Variants in GNPDA2 observed in about 807,000 individuals in gnomAD.
GNPDA2 encodes the protein glcN6P deaminase 2.
Under a neutral mutation model 27.0 loss-of-function variants are expected in GNPDA2, and 24 were observed. The observed-to-expected ratio is 0.89, with a 90% CI of 0.64 to 1.25. The LOEUF (loss-of-function observed/expected upper bound fraction) is 1.25, where lower values mean the gene tolerates loss of function less well. Ranked by LOEUF, GNPDA2 falls within the 50% of genes most tolerant of loss-of-function variation. The pLI, the probability that GNPDA2 is intolerant of heterozygous loss-of-function variation, is 0.00. For synonymous variants in GNPDA2, 94 were observed against 108.4 expected, an observed-to-expected ratio of 0.87 and a Z score of 0.83; for missense variants, 286 against 335.1, an observed-to-expected ratio of 0.85 and a Z score of 1.14.
intron 4 of GNPDA2, 107 bp from the exon 5 acceptor site, chr4:44,711,244 T>C: frequency 1.7e-6 from 1 of 583,910 alleles, no homozygotes; most frequent in Non-Finnish European, 2.7e-6. Flanking sequence ...ATTTTATACT[T>C]GAATTCCTAT....
rs143805744 is a variant in GNPDA2, at chr4:44,711,697, T to C, written c.410-560A>G. Among the ~76,000 whole-genome samples, 335 of 151,914 alleles carry C rather than the reference T, an allele frequency of 2.2e-3. 6 individuals carry two copies. Among genetic ancestry groups the C allele is most frequent in the Admixed American group, 0.021 (314 of 15,232 alleles). ...TAGACCTTTCTGTAGGAGAGTTTCC[T>C]CACTTATAAAAATGTGTGGATTGGA... On this transcript the variant is annotated intron_variant, in intron 4 of 6. Transcript: ENST00000295448.
chr4:44,725,427 C>T (rs1370711728), intron 1 of GNPDA2, among the ~76,000 whole-genome samples: 2 of 152,208 alleles, frequency 1.3e-5, no homozygotes, highest in African/African-American at 4.8e-5. Flanking sequence ...TCTCCCTAGA[C>T]ACAGTGTTTC....
chr4:44,705,534 AAAAG>A (rs1385574946), intron 6 of GNPDA2: 1 of 870,408 alleles, frequency 1.1e-6, no homozygotes, highest in Non-Finnish European at 1.4e-6. Context: ...TAGATGAACT[AAAAG>A]AACTAAATAC....
chr4:44,726,213 G>C (rs1718010791), intron 1 of GNPDA2, among the ~76,000 whole-genome samples: 1 of 152,110 alleles, frequency 6.6e-6, no homozygotes, highest in African/African-American at 2.4e-5. Context: ...TGTAGAGAGA[G>C]GTGTCAAGAA....
At chr4:44,712,890 T>C (rs1381370676) in intron 4 of GNPDA2, among the ~76,000 whole-genome samples, 1 of 152,230 alleles carries the variant, frequency 6.6e-6, no homozygotes, top group Admixed American at 6.5e-5. Flanking sequence ...TAAGTCTAAA[T>C]TAAGATATCA....
intron 4 of GNPDA2, chr4:44,714,390 A>C: frequency 2.0e-6 from 2 of 985,366 alleles, no homozygotes; most frequent in Non-Finnish European, 1.2e-6. Flanking sequence ...CAGAGGAGGA[A>C]TTAGAACATT....
At chr4:44,703,605 G>A in intron 6 of GNPDA2, 2 of 982,488 alleles carry the variant, frequency 2.0e-6, no homozygotes, top group South Asian at 9.4e-5. Flanking sequence ...CCAATAGTTT[G>A]GCATGTGTAT....
intron 6 of GNPDA2, chr4:44,703,610 G>A (rs2109687884): frequency 1.0e-6 from 1 of 980,744 alleles, no homozygotes; most frequent in Non-Finnish European, 1.2e-6. Flanking sequence ...AGTTTGGCAT[G>A]TGTATTTATG....
chr4:44,707,422 G>T (rs1279872996), intron 6 of GNPDA2: 1 of 331,548 alleles, frequency 3.0e-6, no homozygotes, highest in Non-Finnish European at 5.4e-6. Context: ...AACATGAAAA[G>T]AAATCCAGAA....
chr4:44,708,195 T>G (rs1022620608), intron 5 of GNPDA2, among the ~76,000 whole-genome samples: 1 of 152,146 alleles, frequency 6.6e-6, no homozygotes, highest in Non-Finnish European at 1.5e-5. Context: ...TAGTGAATGA[T>G]GATGTATAAA....
At chr4:44,714,891 T>A (rs1717181930) in intron 4 of GNPDA2, among the ~76,000 whole-genome samples, 1 of 152,198 alleles carries the variant, frequency 6.6e-6, no homozygotes, top group Non-Finnish European at 1.5e-5. Flanking sequence ...CATCCATGAC[T>A]ACAGTGAAGA....
chr4:44,708,689 A>G (rs1335499986), intron 5 of GNPDA2, among the ~76,000 whole-genome samples: 1 of 114,110 alleles, frequency 8.8e-6, no homozygotes, highest in Non-Finnish European at 2.0e-5. Context: ...ATCCCATTTA[A>G]CACCTCATCT....
rs186563910 is a variant in GNPDA2 at position 44,708,110 on chromosome 4, C to G, written c.595-184G>C. 2.0e-3 allele frequency among the ~76,000 whole-genome samples: 309 copies of G among 152,128 alleles called. 1 individual carries two copies. Among genetic ancestry groups the G allele is most frequent in the Middle Eastern group, 3.4e-3 (1 of 294 alleles). On this transcript the variant is annotated intron_variant, in intron 5 of 6. Coordinates refer to ENST00000295448, the MANE Select transcript of GNPDA2 (RefSeq NM_138335.3). ...GATTAACAAGCACAAAATGTTGCTT[C>G]TAGTTTAACAAAGCAAAACAATATC...
At chr4:44,704,992 C>G in intron 6 of GNPDA2, 1 of 983,020 alleles carries the variant, frequency 1.0e-6, no homozygotes, top group Non-Finnish European at 1.2e-6. Flanking sequence ...TAACTTGTAT[C>G]TTTCAAAAGG....
At chr4:44,707,629 A>C in intron 6 of GNPDA2, 123 bp downstream of exon 6, 1 of 684,050 alleles carries the variant, frequency 1.5e-6, no homozygotes, top group Non-Finnish European at 2.4e-6. Flanking sequence ...ACTTGAAAGA[A>C]CTAGCTATGT....
chr4:44,709,162 A>T (rs1050757100), intron 5 of GNPDA2, among the ~76,000 whole-genome samples: 1 of 152,178 alleles, frequency 6.6e-6, no homozygotes, highest in Non-Finnish European at 1.5e-5. Context: ...TACTGAGGAA[A>T]AAAAAGACAA....
At chr4:44,721,499 G>T (rs1365992972) in intron 2 of GNPDA2, among the ~76,000 whole-genome samples, 1 of 151,968 alleles carries the variant, frequency 6.6e-6, no homozygotes, top group Non-Finnish European at 1.5e-5. Context: ...ACACCACCTA[G>T]TCGTTTTTTA....
intron 4 of GNPDA2, among the ~76,000 whole-genome samples, chr4:44,716,471 CGTT>C (rs1167962296): frequency 6.6e-6 from 1 of 151,350 alleles, no homozygotes; most frequent in East Asian, 1.9e-4. Context: ...TAGAAAACCA[CGTT>C]GTCATTACAA....
chr4:44,723,040 T>C (rs2109725365), intron 1 of GNPDA2, among the ~76,000 whole-genome samples: 1 of 152,238 alleles, frequency 6.6e-6, no homozygotes, highest in South Asian at 2.1e-4. Flanking sequence ...GGAGGAGAAA[T>C]TTCTTGACAA....
Sources: gnomAD v4.1 joint callset for allele counts (sites outside exome capture counted in the v4.1 genomes callset) on GRCh38, gnomAD v4.1.1 for gene constraint, MANE v1.5 for transcripts, NCBI Gene and HGNC (gene_info 2026-07-23, HGNC 2026-07-21) for gene names.